The following FEZF1 variants were observed in gnomAD, a reference collection of about 807,000 sequenced individuals.
FEZF1 encodes fez family zinc finger protein 1.
In FEZF1, 8 loss-of-function variants were observed where a neutral mutation model predicts 32.4. The ratio of observed to expected loss-of-function variants is 0.25; its 90% CI spans 0.15 to 0.45. The LOEUF is 0.45. Ranked by LOEUF, FEZF1 falls within the 20% of genes least tolerant of loss-of-function variation. The pLI, the probability that FEZF1 is intolerant of heterozygous loss-of-function variation, is 1.00. For missense variants in FEZF1, 546 were observed against 622.3 expected, an observed-to-expected ratio of 0.88 and a Z score of 1.31; for synonymous variants, 259 against 265.2, an observed-to-expected ratio of 0.98 and a Z score of 0.23.
In FEZF1 at chr7:122,302,465, T is replaced by A; in HGVS notation, c.1070-110A>T. On this transcript the variant is annotated intron_variant, in intron 3 of 3. Coordinates refer to ENST00000442488, the MANE Select transcript of FEZF1 (RefSeq NM_001024613.4). The surrounding 1 kb of genome is among the most constrained non-coding windows in gnomAD (Gnocchi z 4.4). Reference sequence around the variant, plus strand: ...AGGCAAGCAGAAGAGCCGCCACAGGTCCCACAACAAGTGCAGGGCTACTAT... The same window carrying A: ...AGGCAAGCAGAAGAGCCGCCACAGGACCCACAACAAGTGCAGGGCTACTAT... The A allele has an allele frequency of 6.7e-7, 1 of 1,500,652 alleles. No homozygotes were observed. Among genetic ancestry groups the A allele is most frequent in the Admixed American group, 2.1e-5 (1 of 47,872 alleles). The allele number at this position is 1,500,652 out of a possible 1,614,324, so 93.0% of individuals were successfully genotyped here.
chr7:122,306,705 G>A (rs1300611059), upstream of FEZF1: 1 of 152,352 alleles, frequency 6.6e-6, no homozygotes, highest in African/African-American at 2.4e-5. Context: ...GGGGGAGGGG[G>A]AGTGAGTCTT....
At chr7:122,306,075 C>T (rs1308152824), upstream of FEZF1, 1 of 152,288 alleles carries the variant, frequency 6.6e-6, no homozygotes, top group African/African-American at 2.4e-5. Flanking sequence ...TCTTGCCAGC[C>T]GGCGATCACG....
In FEZF1 at chr7:122,302,754, C is replaced by CTT; in HGVS notation, c.1069+43_1069+44dup. 6.4e-7 allele frequency: 1 copy of CTT among 1,566,452 alleles called. No homozygotes were observed. Among genetic ancestry groups the CTT allele is most frequent in the Non-Finnish European group, 8.6e-7 (1 of 1,156,604 alleles). On this transcript the variant is annotated intron_variant, in intron 3 of 3. Transcript: ENST00000442488. This position sits in a 1 kb window ranked among gnomAD's most constrained non-coding sequence, Gnocchi z 4.4. ...AACATCCCGAAAGTATTAAGTATGG[C>CTT]TTTTCATAAGACTAACCATGAGAGA...
chr7:122,303,798 A>G lies in FEZF1; in HGVS notation c.640T>C (p.Ser214Pro), dbSNP rs766998064. Reference sequence around the variant, plus strand: ...GACAGGTCTTTGAAAGCTACTCCAGAAGGGTATTTCTCCACCGCCGGGACC... The same window carrying G: ...GACAGGTCTTTGAAAGCTACTCCAGGAGGGTATTTCTCCACCGCCGGGACC... ...LVVPAVEKYPSGVAFKDLSQA... is the reference protein window; with the variant it reads ...LVVPAVEKYPPGVAFKDLSQA... The change falls in exon 1 of 4, where the codon TCT (serine) becomes CCT (proline). Residue 214 changes from serine (S) to proline (P), a missense_variant. By Grantham distance (74) the Ser-to-Pro change is moderately conservative. Around this residue, in one of 3 missense-constraint regions of FEZF1, gnomAD observed 345 missense variants for 360.6 expected, o/e 0.96. Transcript: ENST00000442488. 27 of 1,614,202 alleles carry G rather than the reference A, an allele frequency of 1.7e-5. No homozygotes were observed. In the Middle Eastern group the frequency reaches 8.2e-4, roughly 49 times the overall value.
chr7:122,301,856 G>A lies in FEZF1; in HGVS notation c.*141C>T, dbSNP rs1283239366. On this transcript the variant is annotated 3_prime_UTR_variant, in exon 4 of 4. Transcript: ENST00000442488. Reference sequence around the variant, plus strand: ...GCATGCAAGAGGCGAAAGGCCAGGGGATGCAGAGGCTTCTGGTCGGCCCTG... The same window carrying A: ...GCATGCAAGAGGCGAAAGGCCAGGGAATGCAGAGGCTTCTGGTCGGCCCTG... The A allele has an allele frequency of 5.1e-6, 6 of 1,166,490 alleles. No individual in the cohort carries two copies. The allele number at this position is 1,166,490 out of a possible 1,614,324, so 72.3% of individuals were successfully genotyped here. A position where few individuals can be genotyped will look rare whatever the true frequency, so the allele number is the denominator to read the frequency against.
chr7:122,303,081 T>C (rs2031103132), intron 2 of FEZF1, 96 bp downstream of exon 2: 1 of 1,575,624 alleles, frequency 6.3e-7, no homozygotes, highest in Non-Finnish European at 8.7e-7. Context: ...TAGCACTTTT[T>C]AAATGAACGT....
chr7:122,303,332 G>A, intron 1 of FEZF1, 21 bp from the exon 2 acceptor site: 2 of 1,613,074 alleles, frequency 1.2e-6, no homozygotes, highest in Admixed American at 1.7e-5. Context: ...AACACACGTA[G>A]AACAGGTTAG....
Position 122,302,236 on chromosome 7 carries a change from T to C in FEZF1, c.1189A>G (p.Lys397Glu). 5.6e-6 allele frequency: 9 copies of C among 1,614,156 alleles called. No homozygotes were observed. Among genetic ancestry groups the C allele is most frequent in the Non-Finnish European group, 7.6e-6 (9 of 1,180,014 alleles). Residue 397 changes from lysine (K) to glutamate (E), a missense_variant, in exon 4 of 4, where the codon AAG becomes GAG. Around this residue, in one of 3 missense-constraint regions of FEZF1, gnomAD observed 118 missense variants for 188.7 expected, o/e 0.63. Coordinates refer to ENST00000442488, the MANE Select transcript of FEZF1 (RefSeq NM_001024613.4). This position sits in a 1 kb window ranked among gnomAD's most constrained non-coding sequence, Gnocchi z 4.4. ...LTFHMHTHND[K>E]KPFTCPTCGK... is the part of the protein sequence containing the mutation. The stretch of plus-strand genomic sequence containing the variant: ...CACGTGGGGCAGGTGAAAGGCTTCT[T>C]GTCGTTGTGGGTGTGCATGTGGAAG...
upstream of FEZF1, among the ~76,000 whole-genome samples, chr7:122,308,785 A>G (rs1171593491): frequency 6.6e-6 from 1 of 152,188 alleles, no homozygotes; most frequent in Non-Finnish European, 1.5e-5. Context: ...ACCAAGAGCA[A>G]CAGTCTGCTT....
chr7:122,303,370 G>C lies in FEZF1; in HGVS notation c.802-59C>G, dbSNP rs1268644131. On this transcript the variant is annotated intron_variant, in intron 1 of 3. Coordinates refer to ENST00000442488, the MANE Select transcript of FEZF1 (RefSeq NM_001024613.4). ...GCACAAGTAACTTTGAAATCAAACC[G>C]GGCAGAGAGAGGGTAGGAGGAAGAG... The C allele has an allele frequency of 2.5e-6, 4 of 1,597,160 alleles. No individual in the cohort carries two copies. In the Admixed American group the frequency reaches 6.7e-5, roughly 27 times the overall value.
intron 1 of FEZF1, 128 bp downstream of exon 1, chr7:122,303,509 G>C: frequency 1.8e-6 from 1 of 554,574 alleles, no homozygotes; most frequent in Non-Finnish European, 3.1e-6. Flanking sequence ...AAGGAAGGAA[G>C]GAAGGAAGGA....
rs779217330 is a variant in FEZF1 at position 122,302,763 on chromosome 7, A to T, written c.1069+36T>A. 9.9e-6 allele frequency: 15 copies of T among 1,515,220 alleles called. No homozygotes were observed. The highest frequency in any genetic ancestry group is 1.3e-5 in the Non-Finnish European group (15 of 1,135,740). The allele number at this position is 1,515,220 out of a possible 1,614,324, so 93.9% of individuals were successfully genotyped here. On this transcript the variant is annotated intron_variant, in intron 3 of 3. Transcript: ENST00000442488. This position sits in a 1 kb window ranked among gnomAD's most constrained non-coding sequence, Gnocchi z 4.4. Reference sequence around the variant, plus strand: ...AAAGTATTAAGTATGGCTTTTCATAAGACTAACCATGAGAGACATTTCCTG... The same window carrying T: ...AAAGTATTAAGTATGGCTTTTCATATGACTAACCATGAGAGACATTTCCTG...
In FEZF1 at chr7:122,304,254, TG is replaced by T; in HGVS notation, c.183del (p.Lys62SerfsTer13). 1 of 1,605,414 alleles carries T rather than the reference TG, an allele frequency of 6.2e-7. No individual in the cohort carries two copies. Among genetic ancestry groups the T allele is most frequent in the Non-Finnish European group, 8.5e-7 (1 of 1,174,872 alleles). On this transcript the variant is annotated frameshift_variant, in exon 1 of 4. Coordinates refer to ENST00000442488, the MANE Select transcript of FEZF1 (RefSeq NM_001024613.4). LOFTEE classifies it high-confidence loss of function. ...GACGAGTTGAGATGCAGAGAGTGCT[TG>T]GGTTCCCCCTTGGGTAAGGCTCCCT... ...FLQGALPKGE[P>X]KHSLHLNSSI...
chr7:122,308,087 C>T (rs991644645), upstream of FEZF1, among the ~76,000 whole-genome samples: 2 of 152,068 alleles, frequency 1.3e-5, no homozygotes, highest in African/African-American at 4.8e-5. Context: ...TGCAAGGGAG[C>T]CTTGTTTGTT....
intron 1 of FEZF1, chr7:122,309,920 C>G (rs1169502174): frequency 6.6e-6 from 1 of 152,156 alleles, no homozygotes; most frequent in Non-Finnish European, 1.5e-5. Flanking sequence ...GTGTTTGTGG[C>G]CAAAATTAGA....
At position 122,302,985 on chromosome 7, in the gene FEZF1, A is replaced by C; in HGVS notation, c.937-54T>G. The stretch of plus-strand genomic sequence containing the variant: ...ATTTAGATATTTTCTAATTATGTGA[A>C]GTTCTGCAAGCTCAAAACACAGTAA... On this transcript the variant is annotated intron_variant, in intron 2 of 3. Coordinates refer to ENST00000442488, the MANE Select transcript of FEZF1 (RefSeq NM_001024613.4). The surrounding 1 kb of genome is among the most constrained non-coding windows in gnomAD (Gnocchi z 4.4). The C allele has an allele frequency of 3.8e-6, 6 of 1,564,818 alleles. No individual in the cohort carries two copies. The South Asian group carries it at 7.3e-5, about 19-fold the overall frequency.
In FEZF1 at chr7:122,304,119, C is replaced by A; in HGVS notation, c.319G>T (p.Ala107Ser). ...AATGCGGGAGCCGAGGGCACCGCCG[C>A]GGGCGCCGCCGGGGCCTCCAGACTG... ...KASLEAPAAP[A>S]AVPSAPAFSC... is the part of the protein sequence containing the mutation. Residue 107 changes from alanine to serine, a missense_variant, in exon 1 of 4, where the codon GCG becomes TCG. Ala to Ser is a moderately conservative substitution (Grantham distance 99, BLOSUM62 1). Transcript: ENST00000442488. 6.3e-7 allele frequency: 1 copy of A among 1,593,190 alleles called. No individual in the cohort carries two copies. Among genetic ancestry groups the A allele is most frequent in the Non-Finnish European group, 8.6e-7 (1 of 1,169,012 alleles).
At chr7:122,303,555 AG>A in intron 1 of FEZF1, 81 bp downstream of exon 1, 1 of 487,456 alleles carries the variant, frequency 2.1e-6, no homozygotes, top group Non-Finnish European at 3.3e-6. Flanking sequence ...GGAAGGAAGG[AG>A]GGAAGGAGGG....
chr7:122,304,208 A>G lies in FEZF1; in HGVS notation c.230T>C (p.Phe77Ser). 6.3e-7 allele frequency: 1 copy of G among 1,596,380 alleles called. No individual in the cohort carries two copies. The highest frequency in any genetic ancestry group is 1.3e-5 in the African/African-American group (1 of 74,680). ...GCTCGTGTCGTAGGCCACAGGCACG[A>G]AGGGGATCATGCAGGGGATCGACGA... is the stretch of plus-strand genomic sequence containing the variant. ...LNSSIPCMIPFVPVAYDTSPK... is the reference protein window; with the variant it reads ...LNSSIPCMIPSVPVAYDTSPK... Residue 77 changes from phenylalanine to serine, a missense_variant, in exon 1 of 4, where the codon TTC becomes TCC. Phe to Ser is a radical substitution (Grantham distance 155). Coordinates refer to ENST00000442488, the MANE Select transcript of FEZF1 (RefSeq NM_001024613.4).
Sources: gnomAD v4.1 joint callset for allele counts (sites outside exome capture counted in the v4.1 genomes callset) on GRCh38, gnomAD v4.1.1 for gene constraint, gnomAD v4.1.1 regional missense constraint, Gnocchi (gnomAD v3.1) non-coding constraint, MANE v1.5 for transcripts, NCBI Gene and HGNC (gene_info 2026-07-23, HGNC 2026-07-21) for gene names.